The following PAK5 variants were observed in gnomAD, a reference collection of about 807,000 sequenced individuals.
PAK5 encodes serine/threonine-protein kinase PAK 5.
PAK5 carries 16 observed loss-of-function variants against 65.9 expected under a neutral mutation model. That is an observed-to-expected ratio of 0.24 (90% CI 0.16 to 0.37). PAK5 has a LOEUF of 0.37. Ranked by LOEUF, PAK5 falls within the 10% of genes least tolerant of loss-of-function variation. PAK5 has a pLI of 1.00. For missense variants in PAK5, 785 were observed against 903.9 expected, an observed-to-expected ratio of 0.87 and a Z score of 1.69; for synonymous variants, 371 against 354.9, an observed-to-expected ratio of 1.05 and a Z score of -0.51.
chr20:9,801,672 T>C (rs1044851490), intron 1 of PAK5, among the ~76,000 whole-genome samples: 11 of 152,042 alleles, frequency 7.2e-5, no homozygotes, highest in African/African-American at 2.7e-4. Context: ...TCCATCTCCA[T>C]CATGATTTCA....
chr20:9,699,970 A>G (rs887722075), intron 2 of PAK5, among the ~76,000 whole-genome samples: 2 of 152,194 alleles, frequency 1.3e-5, no homozygotes, highest in Non-Finnish European at 2.9e-5. Flanking sequence ...TCAGCATATC[A>G]AACTAGTTTT....
intron 2 of PAK5, among the ~76,000 whole-genome samples, chr20:9,702,368 A>G (rs2206474): frequency 0.22 from 33,589 of 151,980 alleles, 3,950 homozygotes; most frequent in East Asian, 0.38. Flanking sequence ...TGCTTGCATC[A>G]ATACTCAAAT....
intron 2 of PAK5, among the ~76,000 whole-genome samples, chr20:9,672,951 C>T (rs1025583462): frequency 2.0e-5 from 3 of 152,100 alleles, no homozygotes; most frequent in Non-Finnish European, 2.9e-5. Flanking sequence ...CTATTAGATC[C>T]TTGAGGTCCC....
At chr20:9,552,336 T>C (rs904220686) in intron 7 of PAK5, among the ~76,000 whole-genome samples, 3 of 152,220 alleles carry the variant, frequency 2.0e-5, no homozygotes, top group South Asian at 4.1e-4. Flanking sequence ...TTATCAAATG[T>C]TGGCCCTAGG....
chr20:9,795,815 G>A (rs371884775), intron 1 of PAK5, among the ~76,000 whole-genome samples: 1 of 152,022 alleles, frequency 6.6e-6, no homozygotes, highest in African/African-American at 2.4e-5. Flanking sequence ...CTCACAGAGG[G>A]AGAGAGGAAG....
chr20:9,694,112 T>C (rs1373109728), intron 2 of PAK5, among the ~76,000 whole-genome samples: 1 of 152,092 alleles, frequency 6.6e-6, no homozygotes, highest in Non-Finnish European at 1.5e-5. Context: ...ATAATTCTAG[T>C]TTTGATTTTC....
intron 3 of PAK5, among the ~76,000 whole-genome samples, chr20:9,581,466 G>A (rs1206893887): frequency 6.6e-6 from 1 of 152,160 alleles, no homozygotes; most frequent in Non-Finnish European, 1.5e-5. Context: ...CATAATAACT[G>A]AGGTTATGAA....
intron 1 of PAK5, among the ~76,000 whole-genome samples, chr20:9,830,246 C>T (rs1419820045): frequency 6.6e-6 from 1 of 152,162 alleles, no homozygotes; most frequent in Non-Finnish European, 1.5e-5. Context: ...AGAACAATTA[C>T]CTCTTTTTTC....
chr20:9,763,801 T>C (rs2048726637), intron 1 of PAK5, among the ~76,000 whole-genome samples: 1 of 152,178 alleles, frequency 6.6e-6, no homozygotes, highest in African/African-American at 2.4e-5. Context: ...AAGATTAACA[T>C]TTTGCCACAT....
chr20:9,837,017 T>C (rs939249015), intron 1 of PAK5, among the ~76,000 whole-genome samples: 3 of 152,206 alleles, frequency 2.0e-5, no homozygotes, highest in Non-Finnish European at 2.9e-5. Context: ...ACTGCCAGAC[T>C]AGATTTTCAA....
chr20:9,669,295 T>TTA (rs1331531570), intron 2 of PAK5, among the ~76,000 whole-genome samples: 3 of 152,176 alleles, frequency 2.0e-5, no homozygotes, highest in African/African-American at 7.2e-5. Context: ...TTTTTATTTC[T>TTA]TATATACTTA....
At chr20:9,655,963 T>C (rs1357612610) in intron 2 of PAK5, among the ~76,000 whole-genome samples, 2 of 152,112 alleles carry the variant, frequency 1.3e-5, no homozygotes, top group Non-Finnish European at 2.9e-5. Flanking sequence ...ATGACCTCAT[T>C]TTAATTTAAT....
At chr20:9,706,553 A>T (rs182270665) in intron 2 of PAK5, among the ~76,000 whole-genome samples, 1 of 149,760 alleles carries the variant, frequency 6.7e-6, no homozygotes, top group Admixed American at 6.7e-5. Flanking sequence ...ATCCTGGCTC[A>T]CTGAAACCTC....
At chr20:9,672,676 G>A (rs954422893) in intron 2 of PAK5, among the ~76,000 whole-genome samples, 10 of 152,190 alleles carry the variant, frequency 6.6e-5, no homozygotes, top group African/African-American at 2.2e-4. Context: ...CCAGTCTCGC[G>A]TATGTCTTTA....
At chr20:9,556,473 C>T (rs2045508367) in intron 7 of PAK5, among the ~76,000 whole-genome samples, 1 of 152,196 alleles carries the variant, frequency 6.6e-6, no homozygotes, top group Non-Finnish European at 1.5e-5. Flanking sequence ...TGAACATTTT[C>T]CATGTGGCAG....
chr20:9,788,509 A>G (rs1432512452), intron 1 of PAK5, among the ~76,000 whole-genome samples: 1 of 152,136 alleles, frequency 6.6e-6, no homozygotes, highest in Non-Finnish European at 1.5e-5. Flanking sequence ...GAGAAGCCCT[A>G]CAGTGTTAGA....
At chr20:9,631,880 C>T (rs1430954808) in intron 3 of PAK5, among the ~76,000 whole-genome samples, 1 of 152,182 alleles carries the variant, frequency 6.6e-6, no homozygotes, top group Non-Finnish European at 1.5e-5. Flanking sequence ...ATAGATTTAT[C>T]ATCAGTATAA....
intron 4 of PAK5, among the ~76,000 whole-genome samples, chr20:9,567,765 T>C (rs1414221471): frequency 1.3e-5 from 2 of 152,182 alleles, no homozygotes; most frequent in East Asian, 3.8e-4. Context: ...TAGATAATAA[T>C]AAAGAAAACC....
At chr20:9,779,574 A>AT (rs2048920748) in intron 1 of PAK5, among the ~76,000 whole-genome samples, 1 of 151,602 alleles carries the variant, frequency 6.6e-6, no homozygotes, top group Non-Finnish European at 1.5e-5. Flanking sequence ...AAATTAACTG[A>AT]TTATAAATTT....
Sources: gnomAD v4.1 joint callset for allele counts (sites outside exome capture counted in the v4.1 genomes callset) on GRCh38, gnomAD v4.1.1 for gene constraint, MANE v1.5 for transcripts, NCBI Gene and HGNC (gene_info 2026-07-23, HGNC 2026-07-21) for gene names.